Variants in TRIQK observed in about 807,000 individuals in gnomAD.
TRIQK encodes the protein triple QxxK/R motif containing, also known as triple QxxK/R motif-containing protein.
TRIQK carries 10 observed loss-of-function variants against 10.8 expected under a neutral mutation model. That is an observed-to-expected ratio of 0.92 (90% confidence interval 0.57 to 1.57). The LOEUF is 1.57. TRIQK is among the 40% of genes most tolerant of loss of function. The pLI is 0.00. For synonymous variants in TRIQK, 33 were observed against 33.7 expected (o/e 0.98, Z 0.07); for missense variants, 107 against 97.7 (o/e 1.09, Z -0.40).
At chr8:92,937,387 C>G (rs538679170) in intron 2 of TRIQK, among the ~76,000 whole-genome samples, 1 of 151,880 alleles carries the variant, frequency 6.6e-6, no homozygotes, top group South Asian at 2.1e-4. Flanking sequence ...AGATCGCTTG[C>G]ACAGGGTTAT....
At chr8:92,956,076 A>G (rs1812157793) in intron 1 of TRIQK, among the ~76,000 whole-genome samples, 1 of 151,814 alleles carries the variant, frequency 6.6e-6, no homozygotes, top group African/African-American at 2.4e-5. Context: ...AAGAAAAATG[A>G]AAACATCTCC....
At chr8:92,893,915 A>G (rs2130283753) in intron 3 of TRIQK, among the ~76,000 whole-genome samples, 1 of 152,170 alleles carries the variant, frequency 6.6e-6, no homozygotes, top group Admixed American at 6.6e-5. Flanking sequence ...CATATTTTTT[A>G]TACAGATATG....
rs563438880 is a variant in TRIQK at position 92,883,908 on chromosome 8, T to C, written c.*2714A>G. 6.6e-6 allele frequency: 1 copy of C among 151,882 alleles called. No homozygotes were observed. The highest frequency in any genetic ancestry group is 1.9e-4 in the East Asian group (1 of 5,134). The allele number at this position is 151,882 out of a possible 1,614,324, so 9.4% of individuals were successfully genotyped here. On this transcript the variant is annotated 3_prime_UTR_variant, in exon 5 of 5. Transcript: ENST00000521988. ...TATATTTTTACAATACTGTATCTCA[T>C]CTCAAATAAATTTATACATTCTTTA... is the stretch of plus-strand genomic sequence containing the variant.
At chr8:92,996,984 C>G (rs1437354647) in intron 1 of TRIQK, among the ~76,000 whole-genome samples, 1 of 151,906 alleles carries the variant, frequency 6.6e-6, no homozygotes, top group Non-Finnish European at 1.5e-5. Context: ...CATGGACATT[C>G]GTGTCCACTG....
intron 1 of TRIQK, among the ~76,000 whole-genome samples, chr8:92,971,529 T>A (rs896348351): frequency 6.6e-6 from 1 of 152,138 alleles, no homozygotes; most frequent in Non-Finnish European, 1.5e-5. Context: ...AAATCATGAA[T>A]GAACTTCCAT....
chr8:92,951,281 T>C (rs1402955129), intron 2 of TRIQK, among the ~76,000 whole-genome samples: 1 of 152,090 alleles, frequency 6.6e-6, no homozygotes. Context: ...CATTTCTGTA[T>C]GTAAGGAGCT....
chr8:92,919,108 T>C (rs1419978441), intron 2 of TRIQK, among the ~76,000 whole-genome samples: 1 of 151,820 alleles, frequency 6.6e-6, no homozygotes, highest in Non-Finnish European at 1.5e-5. Flanking sequence ...CAGTACCCAA[T>C]TGTTTCGTTA....
chr8:93,017,534 G>C (rs1813397425), intron 1 of TRIQK: 1 of 152,242 alleles, frequency 6.6e-6, no homozygotes, highest in Non-Finnish European at 1.5e-5. Flanking sequence ...ACAGTACCAT[G>C]ATTCCCACCG....
intron 4 of TRIQK, among the ~76,000 whole-genome samples, chr8:92,891,657 A>G (rs534775548): frequency 6.6e-6 from 1 of 152,092 alleles, no homozygotes; most frequent in African/African-American, 2.4e-5. Context: ...ATAAAATGAG[A>G]TTTATTGAAA....
At chr8:92,897,334 A>C (rs1808663466) in intron 3 of TRIQK, among the ~76,000 whole-genome samples, 1 of 152,202 alleles carries the variant, frequency 6.6e-6, no homozygotes, top group Admixed American at 6.5e-5. Flanking sequence ...GAAGGACATG[A>C]ACTTTGAAGG....
intron 3 of TRIQK, among the ~76,000 whole-genome samples, chr8:92,909,097 A>G (rs1809431431): frequency 6.6e-6 from 1 of 151,980 alleles, no homozygotes; most frequent in Admixed American, 6.6e-5. Context: ...AAGAAGACTC[A>G]TTACAAAACT....
intron 1 of TRIQK, among the ~76,000 whole-genome samples, chr8:92,988,103 C>T (rs1813056047): frequency 1.4e-5 from 2 of 147,112 alleles, no homozygotes; most frequent in African/African-American, 2.5e-5. Flanking sequence ...CTCCGCCTCC[C>T]GGGTTCACAC....
intron 3 of TRIQK, among the ~76,000 whole-genome samples, chr8:92,897,164 C>T (rs993793711): frequency 2.6e-5 from 4 of 152,074 alleles, no homozygotes; most frequent in East Asian, 1.9e-4. Context: ...TTCACAGGCT[C>T]ACAGATGGAG....
At chr8:92,978,502 G>A (rs1317564113) in intron 1 of TRIQK, among the ~76,000 whole-genome samples, 1 of 152,100 alleles carries the variant, frequency 6.6e-6, no homozygotes, top group Non-Finnish European at 1.5e-5. Flanking sequence ...ATCGTAATTT[G>A]GGGGGTCTAG....
intron 2 of TRIQK, among the ~76,000 whole-genome samples, chr8:92,947,154 T>C (rs576389771): frequency 6.2e-4 from 95 of 152,286 alleles, no homozygotes; most frequent in African/African-American, 2.1e-3. Flanking sequence ...TCTCTAACAG[T>C]ACAAAAATCT....
chr8:92,926,777 T>C (rs936559407), intron 2 of TRIQK, among the ~76,000 whole-genome samples: 2 of 152,144 alleles, frequency 1.3e-5, no homozygotes, highest in Admixed American at 6.5e-5. Flanking sequence ...GTTTTCACTA[T>C]GAAGTAAAAG....
intron 2 of TRIQK, among the ~76,000 whole-genome samples, chr8:92,933,821 A>C (rs1695999036): frequency 6.6e-6 from 1 of 152,114 alleles, no homozygotes; most frequent in African/African-American, 2.4e-5. Context: ...TTTAAACACA[A>C]TGATTCTCAC....
Position 93,000,029 on chromosome 8 carries a change from C to CTATATTTACT in TRIQK, c.-181+17570_-181+17579dup, listed in dbSNP as rs543691220. Among the ~76,000 whole-genome samples the CTATATTTACT allele has an allele frequency of 1.3e-3, 198 of 152,072 alleles. 1 individual carries two copies. Among genetic ancestry groups the CTATATTTACT allele is most frequent in the African/African-American group, 4.6e-3 (191 of 41,472 alleles). On this transcript the variant is annotated intron_variant, in intron 1 of 4. Transcript: ENST00000520686. ...ATACTTTCAACTTCCATCATGGTCTCTATATTTACTCATTCTCCGTGATCT... is the reference window on the plus strand; with the variant it reads ...ATACTTTCAACTTCCATCATGGTCTCTATATTTACTTATATTTACTCATTCTCCGTGATCT...
intron 1 of TRIQK, among the ~76,000 whole-genome samples, chr8:93,001,713 A>G (rs1813212498): frequency 6.6e-6 from 1 of 152,218 alleles, no homozygotes; most frequent in South Asian, 2.1e-4. Flanking sequence ...TACCACTTTC[A>G]AAGGTGGACA....
Sources: gnomAD v4.1 joint callset for allele counts (sites outside exome capture counted in the v4.1 genomes callset) on GRCh38, gnomAD v4.1.1 for gene constraint, MANE v1.5 for transcripts, NCBI Gene and HGNC (gene_info 2026-07-23, HGNC 2026-07-21) for gene names.